Variants in CACNA2D1 observed in about 807,000 individuals in gnomAD.
CACNA2D1 encodes the protein voltage-dependent calcium channel subunit alpha-2/delta-1.
In CACNA2D1, 53 loss-of-function variants were observed where a neutral mutation model predicts 171.5. The ratio of observed to expected loss-of-function variants is 0.31; its 90% confidence interval spans 0.25 to 0.39. The LOEUF (loss-of-function observed/expected upper bound fraction) is 0.39, where lower values mean the gene tolerates loss of function less well. Ranked by LOEUF, CACNA2D1 falls within the 10% of genes least tolerant of loss-of-function variation. CACNA2D1 has a pLI of 1.00. For missense variants in CACNA2D1, 903 were observed against 1,299.8 expected (o/e 0.69, Z 4.69); for synonymous variants, 442 against 443.1 (o/e 1.00, Z 0.03).
rs113965036 is a variant in CACNA2D1, at chr7:82,202,810, C to T, written c.295-32201G>A. On this transcript the variant is annotated intron_variant, in intron 3 of 38. Transcript: ENST00000356860. Reference sequence around the variant, plus strand: ...GCTGTTGGCAGAACCAAGGGGTCCGCGCTGTAAAGACGGGGAAAATGCGCC... The same window carrying T: ...GCTGTTGGCAGAACCAAGGGGTCCGTGCTGTAAAGACGGGGAAAATGCGCC... Among the ~76,000 whole-genome samples the T allele has an allele frequency of 7.3e-3, 1,067 of 147,028 alleles. 18 individuals are homozygous for T. The highest frequency in any genetic ancestry group is 0.027 in the African/African-American group (1,019 of 37,874).
At chr7:82,085,005 T>C in intron 6 of CACNA2D1, 105 bp from the exon 7 acceptor site, 1 of 1,031,894 alleles carries the variant, frequency 9.7e-7, no homozygotes, top group Non-Finnish European at 1.5e-6. Context: ...TTGTTCTACC[T>C]ATAAAATAAC....
chr7:82,091,447 G>A (rs965391697), intron 6 of CACNA2D1, among the ~76,000 whole-genome samples: 3 of 152,210 alleles, frequency 2.0e-5, no homozygotes, highest in South Asian at 2.1e-4. Flanking sequence ...AGTTTCCTGC[G>A]GATTGAGCAC....
At chr7:82,055,830 G>T (rs2131342948) in intron 10 of CACNA2D1, among the ~76,000 whole-genome samples, 1 of 146,234 alleles carries the variant, frequency 6.8e-6, no homozygotes, top group South Asian at 2.2e-4. Flanking sequence ...GAGTTAATGG[G>T]TGCAGCACAC....
intron 4 of CACNA2D1, among the ~76,000 whole-genome samples, chr7:82,145,885 TG>T (rs1350362257): frequency 2.9e-5 from 4 of 139,672 alleles, no homozygotes; most frequent in Admixed American, 7.2e-5. Context: ...TTTCGCTTAC[TG>T]GAAGAACAAC....
chr7:82,320,941 A>ATTTATATATATATAAAGCCC (rs1191824736), intron 3 of CACNA2D1, among the ~76,000 whole-genome samples: 5 of 152,010 alleles, frequency 3.3e-5, no homozygotes, highest in African/African-American at 1.2e-4. Flanking sequence ...ATATAAAGCC[A>ATTTATATATATATAAAGCCC]TTTATATATA....
At chr7:82,192,304 T>C (rs778247190) in intron 3 of CACNA2D1, among the ~76,000 whole-genome samples, 3 of 151,670 alleles carry the variant, frequency 2.0e-5, no homozygotes, top group Non-Finnish European at 4.4e-5. Context: ...AATTTCACAA[T>C]AACTCTATTA....
intron 3 of CACNA2D1, among the ~76,000 whole-genome samples, chr7:82,304,009 A>T (rs1364379183): frequency 1.3e-5 from 2 of 152,018 alleles, no homozygotes; most frequent in Non-Finnish European, 2.9e-5. Flanking sequence ...CAAACAATTC[A>T]ACAGTTAAAA....
At position 82,363,254 on chromosome 7, in the gene CACNA2D1, C is replaced by CTTTTTTTTTTTTTTTTT. The variant is rs35419275; in HGVS notation, c.96-13622_96-13606dup. 5.5e-4 allele frequency among the ~76,000 whole-genome samples: 35 copies of CTTTTTTTTTTTTTTTTT among 63,432 alleles called. 8 individuals carry two copies. Among genetic ancestry groups the CTTTTTTTTTTTTTTTTT allele is most frequent in the African/African-American group, 2.8e-3 (34 of 11,946 alleles). The allele number at this position is 63,432 out of a possible 152,430, so 41.6% of individuals were successfully genotyped here. On this transcript the variant is annotated intron_variant, in intron 1 of 38. Coordinates refer to ENST00000356860, the MANE Select transcript of CACNA2D1 (RefSeq NM_000722.4). The stretch of plus-strand genomic sequence containing the variant: ...CTACCATAGTTTTATTTATTTGTCT[C>CTTTTTTTTTTTTTTTTT]TTTTTTTTTTTTTTTTTTTTTTTTT...
Position 82,336,241 on chromosome 7 carries a change from A to T in CACNA2D1, c.178-990T>A, listed in dbSNP as rs1226600989. Among the ~76,000 whole-genome samples the T allele has an allele frequency of 3.3e-5, 5 of 152,190 alleles. No homozygotes were observed. The South Asian group carries it at 6.2e-4, about 19-fold the overall frequency. On this transcript the variant is annotated intron_variant, in intron 2 of 38. Transcript: ENST00000356860. ...CACAACTCCAGCATTCTGCTTTACTACCAACAGGTTCTACAGTATGATCCC... is the reference window on the plus strand; with the variant it reads ...CACAACTCCAGCATTCTGCTTTACTTCCAACAGGTTCTACAGTATGATCCC...
intron 3 of CACNA2D1, among the ~76,000 whole-genome samples, chr7:82,220,394 T>C (rs17156021): frequency 0.016 from 2,473 of 152,248 alleles, 68 homozygotes; most frequent in African/African-American, 0.051. Flanking sequence ...TCAAAGCACA[T>C]CTTTATGTTA....
intron 4 of CACNA2D1, 76 bp downstream of exon 4, chr7:82,170,474 T>C: frequency 2.0e-6 from 2 of 978,050 alleles, no homozygotes; most frequent in Non-Finnish European, 3.3e-6. Flanking sequence ...CATTAAAATA[T>C]ATTTTAATAT....
At chr7:82,340,585 T>C (rs1818510732) in intron 2 of CACNA2D1, among the ~76,000 whole-genome samples, 1 of 152,194 alleles carries the variant, frequency 6.6e-6, no homozygotes. Flanking sequence ...CATTATTTAT[T>C]TATTATAACT....
intron 3 of CACNA2D1, among the ~76,000 whole-genome samples, chr7:82,309,510 GT>G: frequency 6.6e-6 from 1 of 152,154 alleles, no homozygotes; most frequent in Non-Finnish European, 1.5e-5. Context: ...AATTTAAGGT[GT>G]CTGAGCTACA....
At chr7:82,412,208 C>G (rs1346355694) in intron 1 of CACNA2D1, among the ~76,000 whole-genome samples, 1 of 151,658 alleles carries the variant, frequency 6.6e-6, no homozygotes, top group Admixed American at 6.6e-5. Flanking sequence ...ACACTTTGAT[C>G]AGTCTTCCAA....
intron 13 of CACNA2D1, 77 bp from the exon 14 acceptor site, chr7:82,013,587 AT>A: frequency 2.0e-6 from 1 of 500,998 alleles, no homozygotes; most frequent in Non-Finnish European, 3.0e-6. Context: ...TATTTTATAA[AT>A]ATTTTATAAA....
At chr7:82,113,016 T>C (rs1007700135) in intron 6 of CACNA2D1, among the ~76,000 whole-genome samples, 1 of 152,152 alleles carries the variant, frequency 6.6e-6, no homozygotes, top group African/African-American at 2.4e-5. Context: ...TTTATCAAAA[T>C]GAAGATATCT....
intron 3 of CACNA2D1, among the ~76,000 whole-genome samples, chr7:82,245,316 C>T (rs1231650115): frequency 6.6e-6 from 1 of 152,186 alleles, no homozygotes; most frequent in African/African-American, 2.4e-5. Context: ...CTTGGGCTTA[C>T]AGCTTACTCT....
chr7:82,242,311 T>C (rs994632608), intron 3 of CACNA2D1, among the ~76,000 whole-genome samples: 3 of 152,162 alleles, frequency 2.0e-5, no homozygotes, highest in Non-Finnish European at 4.4e-5. Context: ...TTCTCTAGCC[T>C]ATCTGAGACA....
intron 3 of CACNA2D1, among the ~76,000 whole-genome samples, chr7:82,221,172 G>T (rs1164632921): frequency 6.7e-6 from 1 of 149,482 alleles, no homozygotes; most frequent in Non-Finnish European, 1.5e-5. Flanking sequence ...AAGCACAGTG[G>T]TCTATCTTAC....
Sources: gnomAD v4.1 joint callset for allele counts (sites outside exome capture counted in the v4.1 genomes callset) on GRCh38, gnomAD v4.1.1 for gene constraint, MANE v1.5 for transcripts, NCBI Gene and HGNC (gene_info 2026-07-23, HGNC 2026-07-21) for gene names.